TRAPPC9: variants seen among roughly 807,000 people sequenced by gnomAD.
TRAPPC9 encodes the protein trafficking protein particle complex subunit 9, also known as IKK2 binding protein.
In TRAPPC9, 83 loss-of-function variants were observed where a neutral mutation model predicts 124.0. The observed-to-expected ratio is 0.67, with a 90% confidence interval of 0.56 to 0.80. The LOEUF is 0.80. Ranked by LOEUF, TRAPPC9 falls within the 30% of genes least tolerant of loss-of-function variation. TRAPPC9 has a pLI of 0.00. For synonymous variants in TRAPPC9, 638 were observed against 617.5 expected (o/e 1.03, Z -0.49); for missense variants, 1,302 against 1,508.3 (o/e 0.86, Z 2.27).
At chr8:139,920,838 T>C (rs1030568491) in intron 19 of TRAPPC9, among the ~76,000 whole-genome samples, 2 of 152,368 alleles carry the variant, frequency 1.3e-5, no homozygotes, top group African/African-American at 2.4e-5. Flanking sequence ...AGCTGGTGCA[T>C]TGACAAAATC....
intron 19 of TRAPPC9, among the ~76,000 whole-genome samples, chr8:139,925,117 C>G (rs1473503653): frequency 1.3e-5 from 2 of 152,226 alleles, no homozygotes; most frequent in African/African-American, 4.8e-5. Context: ...GGGAGTAAAA[C>G]AAAAGCAGCA....
chr8:140,289,243 A>C (rs892378005), intron 12 of TRAPPC9, among the ~76,000 whole-genome samples: 2 of 151,372 alleles, frequency 1.3e-5, no homozygotes, highest in Admixed American at 6.6e-5. Flanking sequence ...ATGCACACAG[A>C]CTTTTCCCAA....
At chr8:140,390,028 G>C (rs2068879659) in intron 7 of TRAPPC9, among the ~76,000 whole-genome samples, 1 of 152,196 alleles carries the variant, frequency 6.6e-6, no homozygotes, top group Non-Finnish European at 1.5e-5. Flanking sequence ...TGAAGGCCAG[G>C]CGTGGTGGCT....
chr8:139,947,888 A>G (rs577059339), intron 19 of TRAPPC9, among the ~76,000 whole-genome samples: 17 of 65,942 alleles, frequency 2.6e-4, no homozygotes, highest in African/African-American at 8.5e-4. Context: ...AAAAAGAAAT[A>G]TGTGTGTATA....
chr8:140,017,349 T>C (rs1439680626), intron 18 of TRAPPC9, among the ~76,000 whole-genome samples: 1 of 152,234 alleles, frequency 6.6e-6, no homozygotes, highest in African/African-American at 2.4e-5. Context: ...AGGCTTGCAG[T>C]TAAAGGTTTT....
At chr8:139,821,764 C>A (rs1009873717) in intron 21 of TRAPPC9, among the ~76,000 whole-genome samples, 1 of 152,244 alleles carries the variant, frequency 6.6e-6, no homozygotes. Flanking sequence ...GGTCCAGCCA[C>A]CACTGCGCAC....
intron 21 of TRAPPC9, among the ~76,000 whole-genome samples, chr8:139,829,905 AATCCAGCCAC>A (rs1375535881): frequency 1.3e-5 from 2 of 152,226 alleles, no homozygotes; most frequent in African/African-American, 4.8e-5. Context: ...CTGGGGCTGG[AATCCAGCCAC>A]ATGTGTGTCC....
chr8:139,947,622 G>A (rs1470380754), intron 19 of TRAPPC9, among the ~76,000 whole-genome samples: 1 of 151,942 alleles, frequency 6.6e-6, no homozygotes, highest in Non-Finnish European at 1.5e-5. Context: ...CACTTTGGGA[G>A]GCCTAGGCAG....
chr8:140,305,842 G>A (rs1407037534), intron 10 of TRAPPC9, among the ~76,000 whole-genome samples: 3 of 152,158 alleles, frequency 2.0e-5, no homozygotes, highest in African/African-American at 7.2e-5. Flanking sequence ...ATGCATGGGA[G>A]GTATGTCTCA....
intron 9 of TRAPPC9, among the ~76,000 whole-genome samples, chr8:140,341,805 C>A (rs1477369082): frequency 6.6e-6 from 1 of 152,140 alleles, no homozygotes; most frequent in Non-Finnish European, 1.5e-5. Context: ...TAGTGAAAAG[C>A]CAGAAGAAAC....
intron 21 of TRAPPC9, among the ~76,000 whole-genome samples, chr8:139,837,376 G>A (rs934325757): frequency 1.3e-5 from 2 of 152,036 alleles, no homozygotes; most frequent in Non-Finnish European, 1.5e-5. Context: ...AGCCCCCAAC[G>A]GCACTTCAAA....
Position 139,905,668 on chromosome 8 carries a change from C to CAGGCTTGGTGGCAGGTAGTGAGGA in TRAPPC9, c.2964+4455_2964+4478dup, listed in dbSNP as rs564277547. Among the ~76,000 whole-genome samples, 327 of 152,276 alleles carry CAGGCTTGGTGGCAGGTAGTGAGGA rather than the reference C, an allele frequency of 2.1e-3. 5 individuals are homozygous for CAGGCTTGGTGGCAGGTAGTGAGGA. The highest frequency in any genetic ancestry group is 1.8e-3 in the Admixed American group (28 of 15,300). On this transcript the variant is annotated intron_variant, in intron 20 of 22. Transcript: ENST00000438773. ...CAGCCTCTCGTGGGAAACATGGCCCCAGGCTTGGTGGCAGGTAGTGAGGAA... is the reference window on the plus strand; with the variant it reads ...CAGCCTCTCGTGGGAAACATGGCCCCAGGCTTGGTGGCAGGTAGTGAGGAAGGCTTGGTGGCAGGTAGTGAGGAA...
intron 21 of TRAPPC9, among the ~76,000 whole-genome samples, chr8:139,804,276 A>C: frequency 2.0e-5 from 2 of 102,178 alleles, no homozygotes; most frequent in Admixed American, 1.1e-4. Flanking sequence ...ACACACAACC[A>C]CCACCACCCA....
At chr8:140,074,978 C>T (rs1843418743) in intron 17 of TRAPPC9, among the ~76,000 whole-genome samples, 1 of 152,084 alleles carries the variant, frequency 6.6e-6, no homozygotes, top group Non-Finnish European at 1.5e-5. Flanking sequence ...GGGACTGGAA[C>T]CCAGAAAAGA....
chr8:139,837,222 C>T (rs995892996), intron 21 of TRAPPC9, among the ~76,000 whole-genome samples: 1 of 152,194 alleles, frequency 6.6e-6, no homozygotes, highest in Non-Finnish European at 1.5e-5. Flanking sequence ...CAAGAGCCCT[C>T]CTGCTGCCGC....
At chr8:140,280,491 C>T (rs986930317) in intron 14 of TRAPPC9, among the ~76,000 whole-genome samples, 5 of 152,094 alleles carry the variant, frequency 3.3e-5, no homozygotes, top group Non-Finnish European at 5.9e-5. Context: ...TGTAATGTCG[C>T]GATCTCGGCT....
intron 17 of TRAPPC9, among the ~76,000 whole-genome samples, chr8:140,029,553 C>T (rs1840373394): frequency 6.6e-6 from 1 of 151,956 alleles, no homozygotes; most frequent in Non-Finnish European, 1.5e-5. Flanking sequence ...AATGTACTCC[C>T]ACATTTTCTT....
At chr8:140,150,308 G>T (rs764363544) in intron 17 of TRAPPC9, among the ~76,000 whole-genome samples, 55 of 152,250 alleles carry the variant, frequency 3.6e-4, no homozygotes, top group Middle Eastern at 6.8e-3. Context: ...CATTAGCCAG[G>T]TGTGGTGGCA....
At chr8:139,973,782 G>A (rs1288280688) in intron 19 of TRAPPC9, among the ~76,000 whole-genome samples, 1 of 152,012 alleles carries the variant, frequency 6.6e-6, no homozygotes, top group Non-Finnish European at 1.5e-5. Flanking sequence ...GGAGGAGGCC[G>A]AGGTGAGTGC....
Sources: allele counts gnomAD v4.1 joint callset (sites outside exome capture counted in the v4.1 genomes callset), GRCh38; gene constraint gnomAD v4.1.1; transcripts MANE v1.5; gene names NCBI Gene and HGNC (gene_info 2026-07-23, HGNC 2026-07-21).